Variants in EHMT1 observed in about 807,000 individuals in gnomAD.
The protein encoded by EHMT1 is histone-lysine N-methyltransferase EHMT1.
Under a neutral mutation model 147.2 loss-of-function variants are expected in EHMT1, and 15 were observed. The ratio of observed to expected loss-of-function variants is 0.10; its 90% CI spans 0.07 to 0.16. EHMT1 has a LOEUF of 0.16. Among genes scored for constraint, EHMT1 ranks in the 10% least tolerant of loss-of-function variants. The pLI is 1.00. For synonymous variants in EHMT1, 795 were observed against 709.6 expected (o/e 1.12, Z -1.91); for missense variants, 1,587 against 1,772.4 (o/e 0.90, Z 1.88).
intron 3 of EHMT1, among the ~76,000 whole-genome samples, chr9:137,721,659 C>T (rs955371047): frequency 1.6e-4 from 24 of 151,330 alleles, no homozygotes; most frequent in Non-Finnish European, 2.8e-4. Flanking sequence ...GTTCCCTCCA[C>T]GCCTCTCACG....
chr9:137,835,149 G>A lies in EHMT1; in HGVS notation c.*196G>A, dbSNP rs182719163. On this transcript the variant is annotated 3_prime_UTR_variant, in exon 27 of 27. Transcript: ENST00000460843. ...CTCCCAGCCACCTTCCCAGACCTGC[G>A]GCCTCACCGCGGGCCCAGTGCCCAG... The A allele has an allele frequency of 1.2e-5, 7 of 571,754 alleles. No homozygotes were observed. The highest frequency in any genetic ancestry group is 4.0e-5 in the African/African-American group (2 of 49,874). The allele number at this position is 571,754 out of a possible 1,614,324, so 35.4% of individuals were successfully genotyped here. A position where few individuals can be genotyped will look rare whatever the true frequency, so the allele number is the denominator to read the frequency against.
chr9:137,634,364 AC>A (rs1843826319), intron 1 of EHMT1, among the ~76,000 whole-genome samples: 1 of 152,186 alleles, frequency 6.6e-6, no homozygotes, highest in Non-Finnish European at 1.5e-5. Flanking sequence ...CTTTTCATGT[AC>A]AGTTGGCTCA....
chr9:137,653,685 T>C (rs1378716740), intron 1 of EHMT1, among the ~76,000 whole-genome samples: 3 of 152,078 alleles, frequency 2.0e-5, no homozygotes, highest in Admixed American at 6.6e-5. Flanking sequence ...TGTGCCACCG[T>C]GCCCAGTTAA....
chr9:137,674,895 G>A (rs1296382205), intron 1 of EHMT1: 1 of 152,274 alleles, frequency 6.6e-6, no homozygotes. Flanking sequence ...AGCTCAGTGT[G>A]ACTGGCACAT....
intron 15 of EHMT1, among the ~76,000 whole-genome samples, chr9:137,783,061 T>C (rs565479631): frequency 2.0e-5 from 3 of 152,314 alleles, no homozygotes; most frequent in South Asian, 2.1e-4. Context: ...CTGGAGACTT[T>C]AGGAACTTTC....
At chr9:137,659,060 A>C (rs1305870268) in intron 1 of EHMT1, among the ~76,000 whole-genome samples, 2 of 152,000 alleles carry the variant, frequency 1.3e-5, no homozygotes, top group African/African-American at 2.4e-5. Flanking sequence ...TGTCATTATC[A>C]TCTTATTTGG....
At chr9:137,622,410 GC>G (rs1842992213) in intron 1 of EHMT1, among the ~76,000 whole-genome samples, 1 of 151,950 alleles carries the variant, frequency 6.6e-6, no homozygotes, top group Non-Finnish European at 1.5e-5. Context: ...GTGAGCCACC[GC>G]CCCCGGCCGA....
chr9:137,633,743 C>T (rs547877392), intron 1 of EHMT1, among the ~76,000 whole-genome samples: 1 of 152,062 alleles, frequency 6.6e-6, no homozygotes, highest in African/African-American at 2.4e-5. Context: ...TTCCCTAATC[C>T]TCCCTCCCCG....
intron 18 of EHMT1, among the ~76,000 whole-genome samples, chr9:137,809,151 CTT>C (rs909327477): frequency 6.6e-5 from 10 of 152,184 alleles, no homozygotes; most frequent in African/African-American, 2.4e-4. Flanking sequence ...TTAGTTTTCT[CTT>C]TTAGAAGTCA....
At chr9:137,730,473 A>G (rs1488481895) in intron 4 of EHMT1, among the ~76,000 whole-genome samples, 2 of 151,962 alleles carry the variant, frequency 1.3e-5, no homozygotes, top group Non-Finnish European at 2.9e-5. Context: ...AAAAAAAAAT[A>G]GAGATGGGGG....
At chr9:137,789,954 G>A (rs780408933) in intron 15 of EHMT1, among the ~76,000 whole-genome samples, 21 of 152,058 alleles carry the variant, frequency 1.4e-4, no homozygotes, top group Non-Finnish European at 2.6e-4. Flanking sequence ...GGTCTCGAAC[G>A]CCTGACCTCA....
intron 1 of EHMT1, among the ~76,000 whole-genome samples, chr9:137,635,373 A>AT (rs895933639): frequency 1.8e-3 from 259 of 144,298 alleles, no homozygotes; most frequent in African/African-American, 2.2e-3. Flanking sequence ...CGCCCAGCTA[A>AT]TTTTTTTTTT....
intron 6 of EHMT1, among the ~76,000 whole-genome samples, chr9:137,748,416 T>A (rs1343171851): frequency 6.6e-6 from 1 of 152,240 alleles, no homozygotes; most frequent in African/African-American, 2.4e-5. Context: ...CCACTGTGGA[T>A]GGCCTGTGGG....
intron 8 of EHMT1, among the ~76,000 whole-genome samples, chr9:137,757,165 G>A (rs941459948): frequency 4.6e-5 from 7 of 152,238 alleles, no homozygotes; most frequent in Non-Finnish European, 8.8e-5. Flanking sequence ...CCTGGGAAGT[G>A]TGGACAGGCT....
At chr9:137,740,865 C>G (rs1039435262) in intron 4 of EHMT1, among the ~76,000 whole-genome samples, 2 of 152,032 alleles carry the variant, frequency 1.3e-5, no homozygotes, top group Admixed American at 1.3e-4. Context: ...TGCAGTGGTG[C>G]GATCTCGGCT....
rs1024734802 is a variant in EHMT1 at position 137,788,049 on chromosome 9, G to A, written c.2383-2799G>A. The A allele has an allele frequency of 3.7e-6, 5 of 1,352,846 alleles. No individual in the cohort carries two copies. The African/African-American group carries it at 5.7e-5, about 16-fold the overall frequency. 83.8% of individuals were successfully genotyped at this position (1,352,846 alleles called of 1,614,324 possible). ...CGGGAAGAGGGTTGAGGGCCTGATG[G>A]CTCCCGCTGGCAAAGTCTCCCCCTC... is the stretch of plus-strand genomic sequence containing the variant. On this transcript the variant is annotated intron_variant, in intron 15 of 26. Coordinates refer to ENST00000460843, the MANE Select transcript of EHMT1 (RefSeq NM_024757.5).
At position 137,834,825 on chromosome 9, in the gene EHMT1, C is replaced by T. The variant is rs1956490510; in HGVS notation, c.3769C>T (p.Arg1257Cys). ...CATCAAAGGCAAGCTCTTCAGCTGC[C>T]GCTGCGGCTCCCCCAAGTGCCGGCA... ...WDIKGKLFSC[R>C]CGSPKCRHSS... Residue 1257 changes from arginine to cysteine, a missense_variant, in exon 27 of 27, where the codon CGC (arginine) becomes TGC (cysteine). Transcript: ENST00000460843. The T allele has an allele frequency of 6.2e-7, 1 of 1,612,728 alleles. No individual in the cohort carries two copies. The highest frequency in any genetic ancestry group is 2.2e-5 in the East Asian group (1 of 44,846).
rs575229731 is a variant in EHMT1, at chr9:137,828,279, T to G, written c.3541-6070T>G. 6.7e-6 allele frequency among the ~76,000 whole-genome samples: 1 copy of G among 148,444 alleles called. No individual in the cohort carries two copies. Among genetic ancestry groups the G allele is most frequent in the Admixed American group, 6.7e-5 (1 of 14,964 alleles). On this transcript the variant is annotated intron_variant, in intron 25 of 26. Transcript: ENST00000460843. This position sits in a 1 kb window ranked among gnomAD's most constrained non-coding sequence, Gnocchi z 5.3. ...AGGAGCCCCTCTGCATTCTTCAGGG[T>G]GCATGGAACCCACACCCTGTCCCCA...
chr9:137,788,355 G>T (rs571727205), intron 15 of EHMT1: 3 of 345,812 alleles, frequency 8.7e-6, no homozygotes, highest in Admixed American at 4.5e-5. Flanking sequence ...GGCTCCACCC[G>T]CACCGCCTTC....
Sources: gnomAD v4.1 joint callset for allele counts (sites outside exome capture counted in the v4.1 genomes callset) on GRCh38, gnomAD v4.1.1 for gene constraint, Gnocchi (gnomAD v3.1) non-coding constraint, MANE v1.5 for transcripts, NCBI Gene and HGNC (gene_info 2026-07-23, HGNC 2026-07-21) for gene names.